Variants in STK32C observed in about 807,000 individuals in gnomAD.
STK32C encodes serine/threonine-protein kinase 32C.
A neutral mutation model predicts 56.5 loss-of-function variants in STK32C; 31 were observed. That is an observed-to-expected ratio of 0.55 (90% CI 0.41 to 0.74). The LOEUF (loss-of-function observed/expected upper bound fraction) is 0.74, where lower values mean the gene tolerates loss of function less well. Ranked by LOEUF, STK32C falls within the 30% of genes least tolerant of loss-of-function variation. The probability of loss-of-function intolerance (pLI) is 0.00; values close to 1 mark genes in which losing one functional copy is unlikely to be tolerated. For missense variants in STK32C, 544 were observed against 676.9 expected, an observed-to-expected ratio of 0.80 and a Z score of 2.18; for synonymous variants, 309 against 289.4, an observed-to-expected ratio of 1.07 and a Z score of -0.69.
At chr10:132,279,552 G>C (rs1564771210) in intron 1 of STK32C, among the ~76,000 whole-genome samples, 1 of 151,966 alleles carries the variant, frequency 6.6e-6, no homozygotes, top group South Asian at 2.1e-4. Context: ...CAGAGCACAG[G>C]AGGTCAAGGC....
chr10:132,242,788 CCT>C (rs2063552712), intron 2 of STK32C, among the ~76,000 whole-genome samples: 2 of 152,238 alleles, frequency 1.3e-5, no homozygotes, highest in South Asian at 2.1e-4. Context: ...TCCTCCTGCC[CCT>C]GTGCCTACTG....
intron 10 of STK32C, among the ~76,000 whole-genome samples, chr10:132,219,784 C>T (rs1401520188): frequency 6.6e-6 from 1 of 152,160 alleles, no homozygotes; most frequent in Non-Finnish European, 1.5e-5. Flanking sequence ...AGGGCATGAC[C>T]CCACCCCTGC....
chr10:132,232,748 T>C (rs552106684), intron 2 of STK32C, among the ~76,000 whole-genome samples: 1 of 150,790 alleles, frequency 6.6e-6, no homozygotes, highest in Non-Finnish European at 1.5e-5. Flanking sequence ...CCCGGAGCCC[T>C]GGGCTTTTCC....
chr10:132,244,941 T>C (rs2063632700), intron 2 of STK32C, among the ~76,000 whole-genome samples: 1 of 152,140 alleles, frequency 6.6e-6, no homozygotes, highest in East Asian at 1.9e-4. Context: ...CCTCCCAACA[T>C]GCAGGGACTC....
At chr10:132,264,484 T>C (rs915749048) in intron 1 of STK32C, among the ~76,000 whole-genome samples, 1 of 152,104 alleles carries the variant, frequency 6.6e-6, no homozygotes, top group Non-Finnish European at 1.5e-5. Flanking sequence ...CAGAGCTTTG[T>C]GCTGCACCCC....
chr10:132,283,581 A>T (rs1461927417), intron 1 of STK32C, among the ~76,000 whole-genome samples: 1 of 152,148 alleles, frequency 6.6e-6, no homozygotes, highest in Non-Finnish European at 1.5e-5. Context: ...AGGCCAGTGA[A>T]GGGGGTGGTT....
At chr10:132,303,267 C>T (rs11146323) in intron 1 of STK32C, among the ~76,000 whole-genome samples, 23,496 of 152,244 alleles carry the variant, frequency 0.15, 2,331 homozygotes, top group Non-Finnish European at 0.23. Context: ...CTCCGTCAAG[C>T]GATACTCCCT....
chr10:132,244,802 G>A (rs1432600437), intron 2 of STK32C, among the ~76,000 whole-genome samples: 1 of 152,232 alleles, frequency 6.6e-6, no homozygotes. Context: ...AGGCTCAGCT[G>A]GGAGGACAGG....
intron 2 of STK32C, among the ~76,000 whole-genome samples, chr10:132,233,749 G>A (rs74161744): frequency 0.03 from 4,508 of 152,314 alleles, 142 homozygotes; most frequent in East Asian, 0.074. Context: ...TCAGCCCACC[G>A]GCTTCCCAGG....
chr10:132,265,360 G>C (rs2064481652), intron 1 of STK32C, among the ~76,000 whole-genome samples: 1 of 152,210 alleles, frequency 6.6e-6, no homozygotes, highest in Non-Finnish European at 1.5e-5. Flanking sequence ...ACTCAGCCCA[G>C]GCCTGGCCCA....
At chr10:132,269,237 C>CTGTG (rs35082499) in intron 1 of STK32C, among the ~76,000 whole-genome samples, 65,820 of 151,918 alleles carry the variant, frequency 0.43, 15,374 homozygotes, top group African/African-American at 0.6. Context: ...GTGCATGTGT[C>CTGTG]TGTGTCTCCG....
intron 2 of STK32C, among the ~76,000 whole-genome samples, chr10:132,233,604 T>C (rs913430050): frequency 2.0e-5 from 3 of 152,154 alleles, no homozygotes; most frequent in Non-Finnish European, 4.4e-5. Context: ...GTAGTGGCCA[T>C]GCTGCGATGG....
chr10:132,302,736 G>A (rs1227425446), intron 1 of STK32C, among the ~76,000 whole-genome samples: 1 of 152,156 alleles, frequency 6.6e-6, no homozygotes, highest in Non-Finnish European at 1.5e-5. Context: ...CCACACTAGG[G>A]CTAAGCTGAC....
chr10:132,215,160 A>T (rs745735848), intron 10 of STK32C, among the ~76,000 whole-genome samples: 4 of 152,160 alleles, frequency 2.6e-5, no homozygotes, highest in Non-Finnish European at 5.9e-5. Context: ...CTGGTATCAC[A>T]GGTGTATCCC....
intron 8 of STK32C, 33 bp downstream of exon 8, chr10:132,224,374 G>A (rs748305044): frequency 4.6e-5 from 69 of 1,494,324 alleles, no homozygotes; most frequent in South Asian, 6.0e-5. Flanking sequence ...GTGGGTGCTC[G>A]GAGGGTGAGG....
chr10:132,302,973 G>A lies in STK32C; in HGVS notation c.262+4599C>T, dbSNP rs149608016. The stretch of plus-strand genomic sequence containing the variant: ...ATGAACTTCAAAGCTATAGACTAAC[G>A]AGAATTTAGCCAAGTGCAGTCATGT... On this transcript the variant is annotated intron_variant, in intron 1 of 11. Transcript: ENST00000298630. 1.6e-4 allele frequency among the ~76,000 whole-genome samples: 25 copies of A among 152,264 alleles called. No homozygotes were observed. In the East Asian group the frequency reaches 4.8e-3, roughly 29 times the overall value.
chr10:132,244,539 C>G (rs2063618081), intron 2 of STK32C, among the ~76,000 whole-genome samples: 1 of 152,198 alleles, frequency 6.6e-6, no homozygotes, highest in African/African-American at 2.4e-5. Context: ...CAGCCTCGCT[C>G]CCCAGGGCAG....
intron 2 of STK32C, among the ~76,000 whole-genome samples, chr10:132,230,754 C>A (rs566352262): frequency 9.3e-5 from 14 of 151,322 alleles, no homozygotes; most frequent in Non-Finnish European, 1.6e-4. Context: ...CGTCTTCAGC[C>A]GGTCCCAAGC....
At chr10:132,210,277 T>C (rs926295729) in intron 10 of STK32C, among the ~76,000 whole-genome samples, 2 of 152,280 alleles carry the variant, frequency 1.3e-5, no homozygotes, top group East Asian at 1.9e-4. Context: ...ATGGATCCTA[T>C]TTTTGGTCTC....
Sources: gnomAD v4.1 joint callset for allele counts (sites outside exome capture counted in the v4.1 genomes callset) on GRCh38, gnomAD v4.1.1 for gene constraint, MANE v1.5 for transcripts, NCBI Gene and HGNC (gene_info 2026-07-23, HGNC 2026-07-21) for gene names.